DDX6: variants seen among roughly 807,000 people sequenced by gnomAD.
DDX6 encodes the protein DEAD-box helicase 6, also known as probable ATP-dependent RNA helicase DDX6.
In DDX6, 7 loss-of-function variants were observed where a neutral mutation model predicts 60.6. The ratio of observed to expected loss-of-function variants is 0.12; its 90% CI spans 0.07 to 0.22. The LOEUF (loss-of-function observed/expected upper bound fraction) is 0.22. DDX6 is among the 10% of genes least tolerant of loss of function. DDX6 has a pLI of 1.00. For missense variants in DDX6, 270 were observed against 589.9 expected (o/e 0.46, Z 5.62); for synonymous variants, 207 against 201.0 (o/e 1.03, Z -0.25).
intron 4 of DDX6, 66 bp downstream of exon 4, chr11:118,779,566 G>A: frequency 1.9e-6 from 2 of 1,077,512 alleles, no homozygotes; most frequent in South Asian, 3.0e-5. Flanking sequence ...CTTCTGCAGA[G>A]CAAAAAGAAA....
Position 118,763,255 on chromosome 11 carries a change from C to G in DDX6, c.698G>C (p.Gly233Ala). 6.2e-7 allele frequency: 1 copy of G among 1,612,604 alleles called. No homozygotes were observed. The highest frequency in any genetic ancestry group is 8.5e-7 in the Non-Finnish European group (1 of 1,179,424). Reference protein sequence around the residue: ...PGRILDLIKKGVAKVDHVQMI... With the variant: ...PGRILDLIKKAVAKVDHVQMI... The stretch of plus-strand genomic sequence containing the variant: ...CTGGACATGATCAACCTTTGCTACT[C>G]CTTTCTTAATAAGATCCAGGATTCT... The change falls in exon 7 of 14, where the codon GGA becomes GCA. Residue 233 changes from glycine to alanine, a missense_variant. This residue lies in a region of DDX6 where 15 missense variants were observed against 16.4 expected (regional missense o/e 0.92). Coordinates refer to ENST00000534980, the MANE Select transcript of DDX6 (RefSeq NM_004397.6).
At chr11:118,780,834 C>A (rs1200839623) in intron 3 of DDX6, among the ~76,000 whole-genome samples, 1 of 152,186 alleles carries the variant, frequency 6.6e-6, no homozygotes, top group African/African-American at 2.4e-5. Flanking sequence ...TAGCTTCCCC[C>A]CTATTGATGA....
intron 7 of DDX6, among the ~76,000 whole-genome samples, chr11:118,762,893 T>C (rs537125365): frequency 6.6e-6 from 1 of 152,320 alleles, no homozygotes; most frequent in Admixed American, 6.5e-5. Context: ...ATATATATTA[T>C]ATGCTTTTAA....
chr11:118,754,674 GT>G (rs1860903288), intron 13 of DDX6, 30 bp downstream of exon 13: 1 of 1,544,790 alleles, frequency 6.5e-7, no homozygotes, highest in Non-Finnish European at 8.7e-7. Flanking sequence ...TCATTTAAAG[GT>G]TCCTCTTAGC....
rs79577543 is a variant in DDX6, at chr11:118,786,194, G to C, written c.58C>G (p.Gln20Glu). 1 of 1,613,900 alleles carries C rather than the reference G, an allele frequency of 6.2e-7. No individual in the cohort carries two copies. The highest frequency in any genetic ancestry group is 2.2e-5 in the East Asian group (1 of 44,886). The change falls in exon 2 of 14, where the codon CAG becomes GAG. Residue 20 changes from glutamine to glutamate, a missense_variant. By Grantham distance (29) the Gln-to-Glu change is conservative (BLOSUM62 2). Coordinates refer to ENST00000534980, the MANE Select transcript of DDX6 (RefSeq NM_004397.6). The part of the protein sequence containing the change: ...VIMGLSSQNG[Q>E]LRGPVKPTGG... ...GTGGGTTTCACAGGGCCTCTCAGCT[G>C]ACCATTTTGACTGGACAGACCCATT...
intron 1 of DDX6, chr11:118,790,199 A>G (rs1235239935): frequency 6.6e-6 from 1 of 152,042 alleles, no homozygotes; most frequent in Non-Finnish European, 1.5e-5. Context: ...GTCATTGACT[A>G]ATGACTGGAA....
At chr11:118,770,198 G>A (rs1007844201) in intron 4 of DDX6, among the ~76,000 whole-genome samples, 1 of 151,562 alleles carries the variant, frequency 6.6e-6, no homozygotes, top group Non-Finnish European at 1.5e-5. Flanking sequence ...GCTAATTCTT[G>A]TATTTTTAGT....
chr11:118,756,772 G>C (rs1860992599), intron 10 of DDX6, among the ~76,000 whole-genome samples: 1 of 152,128 alleles, frequency 6.6e-6, no homozygotes, highest in African/African-American at 2.4e-5. Context: ...GTGCCTAACT[G>C]AGCACTTGAA....
rs542140279 is a variant in DDX6 at position 118,748,955 on chromosome 11, C to T, written c.*3150G>A. ...CCACCCTCCAACCCTTTGGGGCCAA[C>T]CCATTTTATGCTGCTGGGACCAACT... On this transcript the variant is annotated 3_prime_UTR_variant, in exon 14 of 14. Transcript: ENST00000534980. 4 of 152,300 alleles carry T rather than the reference C, an allele frequency of 2.6e-5. No homozygotes were observed. Among genetic ancestry groups the T allele is most frequent in the African/African-American group, 9.6e-5 (4 of 41,554 alleles). 9.4% of individuals were successfully genotyped at this position (152,300 alleles called of 1,614,324 possible).
At chr11:118,752,433 G>A (rs1860807948) in intron 13 of DDX6, among the ~76,000 whole-genome samples, 1 of 152,034 alleles carries the variant, frequency 6.6e-6, no homozygotes, top group African/African-American at 2.4e-5. Context: ...TGTGTTTGAT[G>A]TTTAACTTAA....
chr11:118,787,487 G>A (rs202064476), intron 1 of DDX6: 1,572 of 147,696 alleles, frequency 0.011, 18 homozygotes, highest in Non-Finnish European at 0.016. Context: ...AAACAAACAA[G>A]AAAAAAAAAA....
chr11:118,762,003 G>A (rs1555160316), intron 7 of DDX6, among the ~76,000 whole-genome samples: 2 of 152,078 alleles, frequency 1.3e-5, no homozygotes, highest in Admixed American at 1.3e-4. Context: ...GGCCGGGCGT[G>A]GTGGCTCATG....
At chr11:118,781,295 C>A in intron 2 of DDX6, 111 bp from the exon 3 acceptor site, 6 of 637,412 alleles carry the variant, frequency 9.4e-6, no homozygotes, top group South Asian at 4.1e-5. Flanking sequence ...TTAATATATT[C>A]CATTTAATAT....
At chr11:118,768,484 C>A (rs1861428776) in intron 4 of DDX6, 132 bp from the exon 5 acceptor site, 2 of 872,078 alleles carry the variant, frequency 2.3e-6, no homozygotes, top group East Asian at 2.6e-5. Flanking sequence ...TTGAATTCTA[C>A]ATGAATAGCA....
At chr11:118,755,704 G>T (rs1441970965) in intron 11 of DDX6, among the ~76,000 whole-genome samples, 2 of 151,852 alleles carry the variant, frequency 1.3e-5, no homozygotes, top group South Asian at 4.2e-4. Context: ...TCCAGTAATT[G>T]TAAGCAAGTT....
At chr11:118,782,423 A>C (rs1175531440) in intron 2 of DDX6, among the ~76,000 whole-genome samples, 2 of 152,080 alleles carry the variant, frequency 1.3e-5, no homozygotes, top group African/African-American at 4.8e-5. Flanking sequence ...AAAAAAAAAA[A>C]AGATCAGGGA....
intron 4 of DDX6, among the ~76,000 whole-genome samples, chr11:118,769,971 G>A (rs1861482569): frequency 6.6e-6 from 1 of 152,096 alleles, no homozygotes; most frequent in Non-Finnish European, 1.5e-5. Context: ...GCCTCCCAAA[G>A]TGCTGGGATT....
intron 4 of DDX6, among the ~76,000 whole-genome samples, chr11:118,770,752 C>T (rs1342088921): frequency 3.3e-5 from 5 of 151,628 alleles, no homozygotes; most frequent in Non-Finnish European, 5.9e-5. Context: ...GGTCATGGTG[C>T]GCACCTGTAG....
intron 4 of DDX6, among the ~76,000 whole-genome samples, chr11:118,777,742 A>T (rs1310974503): frequency 6.6e-6 from 1 of 152,106 alleles, no homozygotes; most frequent in Admixed American, 6.6e-5. Context: ...TGCAAAAATT[A>T]GTTAGGTGTG....
Sources: allele counts gnomAD v4.1 joint callset (sites outside exome capture counted in the v4.1 genomes callset), GRCh38; gene constraint gnomAD v4.1.1; regional missense constraint gnomAD v4.1.1; transcripts MANE v1.5; gene names NCBI Gene and HGNC (gene_info 2026-07-23, HGNC 2026-07-21).